DENND1C: variants seen among roughly 807,000 people sequenced by gnomAD.
DENND1C encodes the protein DENN domain containing 1C.
Under a neutral mutation model 87.9 loss-of-function variants are expected in DENND1C, and 64 were observed. The ratio of observed to expected loss-of-function variants is 0.73; its 90% CI spans 0.60 to 0.90. DENND1C has a LOEUF of 0.90. Among genes scored for constraint, DENND1C ranks in the 40% least tolerant of loss-of-function variants. The pLI, the probability that DENND1C is intolerant of heterozygous loss-of-function variation, is 0.00. For synonymous variants in DENND1C, 384 were observed against 424.4 expected, an observed-to-expected ratio of 0.90 and a Z score of 1.17; for missense variants, 980 against 1,037.0, an observed-to-expected ratio of 0.95 and a Z score of 0.76.
chr19:6,473,095 TG>T, intron 14 of DENND1C, 102 bp from the exon 15 acceptor site: 1 of 808,914 alleles, frequency 1.2e-6, no homozygotes. Context: ...ACTTGCTGTG[TG>T]TCTGATCCTG....
In DENND1C at chr19:6,477,411, C is replaced by T. The variant is rs34482420; in HGVS notation, c.414G>A (p.Leu138=). The part of the protein sequence containing the change: ...ELLQNLFQQS[L]SGPQASVGLE... ...GCCCCACTGAGGCCTGGGGCCCAGACAGGGACTGCTGAAACAGATTTTGAA... is the reference window on the plus strand; with the variant it reads ...GCCCCACTGAGGCCTGGGGCCCAGATAGGGACTGCTGAAACAGATTTTGAA... Residue 138 remains leucine, a synonymous_variant, in exon 7 of 23, where the codon CTG becomes CTA. Coordinates refer to ENST00000381480, the MANE Select transcript of DENND1C (RefSeq NM_024898.4). The T allele has an allele frequency of 1.9e-6, 3 of 1,613,472 alleles. No individual in the cohort carries two copies. The highest frequency in any genetic ancestry group is 1.1e-5 in the South Asian group (1 of 91,062).
intron 14 of DENND1C, 81 bp from the exon 15 acceptor site, chr19:6,473,074 A>G: frequency 3.8e-6 from 4 of 1,042,814 alleles, no homozygotes; most frequent in Non-Finnish European, 5.2e-6. Flanking sequence ...TGTAGCAAAC[A>G]TTGATTAGGC....
chr19:6,471,939 G>C (rs1006123980), intron 15 of DENND1C, among the ~76,000 whole-genome samples: 3 of 152,126 alleles, frequency 2.0e-5, no homozygotes, highest in Admixed American at 6.5e-5. Flanking sequence ...CACTGTCCCC[G>C]GCCCGGAGCC....
In DENND1C at chr19:6,470,390, G is replaced by A. The variant is rs771023900; in HGVS notation, c.1291-24C>T. On this transcript the variant is annotated intron_variant, in intron 17 of 22. Transcript: ENST00000381480. ...TTCTGCGGGAGAGAAGATACCAAGG[G>A]GGAGAGGCTAGGGCCAGATCCCACC... 6.2e-6 allele frequency: 10 copies of A among 1,608,430 alleles called. No individual in the cohort carries two copies. In the South Asian group the frequency reaches 1.1e-4, roughly 18 times the overall value.
rs957779780 is a variant in DENND1C at position 6,468,936 on chromosome 19, C to T, written c.1425G>A (p.Leu475=). The T allele has an allele frequency of 2.8e-5, 40 of 1,452,368 alleles. No individual in the cohort carries two copies. The highest frequency in any genetic ancestry group is 3.5e-5 in the Non-Finnish European group (39 of 1,105,598). The allele number at this position is 1,452,368 out of a possible 1,614,324, so 90.0% of individuals were successfully genotyped here. The change falls in exon 20 of 23, where the codon CTG becomes CTA. Residue 475 remains leucine, a synonymous_variant. Transcript: ENST00000381480. ...GGGCCCTCAGAGAGCCCCCCCTCTG[C>T]AGGACAGAGTCCCCATCCTAGGAAG... is the stretch of plus-strand genomic sequence containing the variant. ...LLMYKDGDSV[L]QRGGSLRAPA... is the part of the protein sequence containing the mutation.
At chr19:6,470,610 G>GTT (rs1555747420) in intron 17 of DENND1C, among the ~76,000 whole-genome samples, 18 of 100,712 alleles carry the variant, frequency 1.8e-4, no homozygotes, top group South Asian at 1.4e-3. Flanking sequence ...TCAAAGAACA[G>GTT]TTTTTTTTTG....
Position 6,468,617 on chromosome 19 carries a change from C to T in DENND1C, c.1544G>A (p.Arg515His), listed in dbSNP as rs890654727. 9 of 1,505,372 alleles carry T rather than the reference C, an allele frequency of 6.0e-6. No homozygotes were observed. The highest frequency in any genetic ancestry group is 2.4e-5 in the East Asian group (1 of 41,992). The allele number at this position is 1,505,372 out of a possible 1,614,324, so 93.3% of individuals were successfully genotyped here. Residue 515 changes from arginine to histidine, a missense_variant, in exon 21 of 23, where the codon CGC becomes CAC. Physicochemically the swap from Arg to His is conservative, Grantham distance 29. Coordinates refer to ENST00000381480, the MANE Select transcript of DENND1C (RefSeq NM_024898.4). ...CTCGGAAGTTCCCTCTTCCAGCTGGCGTCTCCTGCTGGGGCGAAGGGGCCG... is the reference window on the plus strand; with the variant it reads ...CTCGGAAGTTCCCTCTTCCAGCTGGTGTCTCCTGCTGGGGCGAAGGGGCCG... ...KNRPLRPSRR[R>H]QLEEGTSEPP...
chr19:6,479,100 G>C lies in DENND1C; in HGVS notation c.177-44C>G, dbSNP rs1443054849. On this transcript the variant is annotated intron_variant, in intron 4 of 22. Transcript: ENST00000381480. ...TTAGAGAGACCTGGACATCCCAGCT[G>C]TCTGAGGATGTCCCCGCTCCCCAAC... is the stretch of plus-strand genomic sequence containing the variant. 15 of 1,609,686 alleles carry C rather than the reference G, an allele frequency of 9.3e-6. No individual in the cohort carries two copies. The Admixed American group carries it at 2.3e-4, about 25-fold the overall frequency.
At chr19:6,479,302 TAA>T (rs2092883558) in intron 4 of DENND1C, among the ~76,000 whole-genome samples, 9 of 148,852 alleles carry the variant, frequency 6.0e-5, no homozygotes, top group African/African-American at 2.3e-4. Context: ...CTTGAATCCC[TAA>T]GTCCCTGGGT....
At chr19:6,469,739 T>C (rs1394963025) in intron 18 of DENND1C, 99 bp from the exon 19 acceptor site, 1 of 1,294,560 alleles carries the variant, frequency 7.7e-7, no homozygotes, top group Non-Finnish European at 1.1e-6. Context: ...TTTTTTGCCA[T>C]CTGCATGTCT....
chr19:6,475,813 C>T, intron 11 of DENND1C, 24 bp downstream of exon 11: 2 of 1,521,290 alleles, frequency 1.3e-6, no homozygotes, highest in Non-Finnish European at 1.8e-6. Context: ...ACAGGCCCTG[C>T]CCCTCCCAGC....
rs769071834 is a variant in DENND1C, at chr19:6,479,725, G to A, written c.127-7C>T. ...GCACCATCTGCATAGCTTCCTGGAG[G>A]TGAAGAAAAGCGCAGACTGCTTGGC... On this transcript the variant is annotated splice_polypyrimidine_tract_variant and splice_region_variant and intron_variant, in intron 3 of 22. Coordinates refer to ENST00000381480, the MANE Select transcript of DENND1C (RefSeq NM_024898.4). The A allele has an allele frequency of 1.9e-6, 3 of 1,613,774 alleles. No individual in the cohort carries two copies. Among genetic ancestry groups the A allele is most frequent in the African/African-American group, 1.3e-5 (1 of 74,858 alleles).
In DENND1C at chr19:6,481,676, TACTC is replaced by T. The variant is rs1456215411; in HGVS notation, c.16_17+2del. 1 of 1,608,622 alleles carries T rather than the reference TACTC, an allele frequency of 6.2e-7. No homozygotes were observed. The highest frequency in any genetic ancestry group is 1.3e-5 in the African/African-American group (1 of 74,628). The stretch of plus-strand genomic sequence containing the variant: ...AGAGAATGAGGGATGGGGTGGCTCT[TACTC>T]AGCTCTGGATTCCATGGTCCCTGCA... On this transcript the variant is annotated splice_donor_variant and coding_sequence_variant, in exon 1 of 23. Transcript: ENST00000381480. LOFTEE classifies it high-confidence loss of function.
chr19:6,472,562 C>T (rs1275133877), intron 15 of DENND1C, among the ~76,000 whole-genome samples: 1 of 151,990 alleles, frequency 6.6e-6, no homozygotes, highest in Non-Finnish European at 1.5e-5. Context: ...AGCTAATTTT[C>T]GTATTTTTAG....
intron 14 of DENND1C, among the ~76,000 whole-genome samples, chr19:6,473,702 T>C (rs1410479381): frequency 6.7e-6 from 1 of 150,220 alleles, no homozygotes; most frequent in Non-Finnish European, 1.5e-5. Context: ...ACTCCTGGGC[T>C]CAAGCAATCC....
chr19:6,472,922 G>A lies in DENND1C; in HGVS notation c.1125C>T (p.His375=). The A allele has an allele frequency of 2.5e-6, 4 of 1,592,276 alleles. No homozygotes were observed. The highest frequency in any genetic ancestry group is 2.6e-6 in the Non-Finnish European group (3 of 1,170,438). The part of the protein sequence containing the change: ...QKPGAPLQAF[H]RRAVHLQLFK... ...ACAGCTGCAGGTGCACAGCCCGCCG[G>A]TGGAAGGCCTGCAGAGGTGCCCCAG... Residue 375 remains histidine (H), a synonymous_variant, in exon 15 of 23, where the codon CAC becomes CAT. Transcript: ENST00000381480.
chr19:6,469,806 C>T, intron 18 of DENND1C, 166 bp from the exon 19 acceptor site: 1 of 662,164 alleles, frequency 1.5e-6, no homozygotes, highest in Non-Finnish European at 2.6e-6. Flanking sequence ...AACTTTCACC[C>T]CTTTGACTAA....
chr19:6,479,559 G>A lies in DENND1C; in HGVS notation c.176+110C>T. On this transcript the variant is annotated intron_variant, in intron 4 of 22. Transcript: ENST00000381480. ...GAGTGTCTGAGTCTCTGAGTCTCAG[G>A]GTCCTCGAGTGTATGGGTTTCCAGA... 5 of 1,374,506 alleles carry A rather than the reference G, an allele frequency of 3.6e-6. No homozygotes were observed. In the East Asian group the frequency reaches 1.1e-4, roughly 32 times the overall value. 85.1% of individuals were successfully genotyped at this position (1,374,506 alleles called of 1,614,324 possible).
At chr19:6,469,843 T>TCATCCC in intron 18 of DENND1C, 1 of 583,506 alleles carries the variant, frequency 1.7e-6, no homozygotes, top group Non-Finnish European at 3.0e-6. Context: ...CTGGAGGCAG[T>TCATCCC]CATCCCCAAA....
Sources: allele counts gnomAD v4.1 joint callset (sites outside exome capture counted in the v4.1 genomes callset), GRCh38; gene constraint gnomAD v4.1.1; transcripts MANE v1.5; gene names NCBI Gene and HGNC (gene_info 2026-07-23, HGNC 2026-07-21).